The following AGBL1 variants were observed in gnomAD, a reference collection of about 807,000 sequenced individuals.
AGBL1 encodes the protein AGBL carboxypeptidase 1.
A neutral mutation model predicts 118.9 loss-of-function variants in AGBL1; 130 were observed. The observed-to-expected ratio is 1.09, with a 90% CI of 0.95 to 1.26. The LOEUF (loss-of-function observed/expected upper bound fraction) is 1.26, where lower values mean the gene tolerates loss of function less well. Among genes scored for constraint, AGBL1 ranks in the 50% most tolerant of loss-of-function variants. The pLI, the probability that AGBL1 is intolerant of heterozygous loss-of-function variation, is 0.00. For missense variants in AGBL1, 1,584 were observed against 1,298.1 expected, an observed-to-expected ratio of 1.22 and a Z score of -3.38; for synonymous variants, 555 against 478.9, an observed-to-expected ratio of 1.16 and a Z score of -2.08.
At chr15:86,655,188 A>C (rs951853413) in intron 21 of AGBL1, among the ~76,000 whole-genome samples, 1 of 152,138 alleles carries the variant, frequency 6.6e-6, no homozygotes. Flanking sequence ...AATTATTAGC[A>C]AGGAGGGACA....
Position 86,783,227 on chromosome 15 carries a change from T to C in AGBL1, c.3158+108791T>C, listed in dbSNP as rs930961595. 3.3e-5 allele frequency among the ~76,000 whole-genome samples: 5 copies of C among 152,230 alleles called. No individual in the cohort carries two copies. In the East Asian group the frequency reaches 5.8e-4, roughly 18 times the overall value. ...TCTTGTTAATCCATTTAGATGCATG[T>C]TTATTCTTCTACCACGAGTCCTAAG... On this transcript the variant is annotated intron_variant, in intron 22 of 22. Coordinates refer to ENST00000614907, the MANE Select transcript of AGBL1 (RefSeq NM_001386094.1).
intron 23 of AGBL1, among the ~76,000 whole-genome samples, chr15:86,959,398 A>G (rs1030958216): frequency 2.0e-5 from 3 of 152,102 alleles, no homozygotes; most frequent in Admixed American, 1.3e-4. Context: ...CTTCTAAAAA[A>G]TGTCCCTGCC....
chr15:86,987,372 A>G (rs11073685), intron 23 of AGBL1, among the ~76,000 whole-genome samples: 129,091 of 152,212 alleles, frequency 0.85, 55,528 homozygotes, highest in South Asian at 0.98. Flanking sequence ...GTATCTAGTA[A>G]TTCTAAAAAC....
chr15:86,387,431 C>G (rs748781122), intron 17 of AGBL1, among the ~76,000 whole-genome samples: 2 of 152,004 alleles, frequency 1.3e-5, no homozygotes, highest in African/African-American at 4.8e-5. Flanking sequence ...TACCATCAGA[C>G]TTAGGTTTTC....
chr15:86,727,867 C>T (rs2086843833), intron 22 of AGBL1, among the ~76,000 whole-genome samples: 1 of 152,100 alleles, frequency 6.6e-6, no homozygotes, highest in Non-Finnish European at 1.5e-5. Flanking sequence ...ACTGCTTATC[C>T]AGTGAATTTA....
intron 22 of AGBL1, among the ~76,000 whole-genome samples, chr15:86,699,847 A>G (rs1314884510): frequency 6.6e-6 from 1 of 152,046 alleles, no homozygotes; most frequent in Non-Finnish European, 1.5e-5. Flanking sequence ...ATTTTGTGAG[A>G]TGCTACCCTG....
intron 22 of AGBL1, among the ~76,000 whole-genome samples, chr15:86,724,062 C>T (rs1167044865): frequency 7.9e-5 from 12 of 151,900 alleles, no homozygotes; most frequent in African/African-American, 1.4e-4. Flanking sequence ...GGTGAAAACC[C>T]GTCTCTAATA....
chr15:86,590,149 C>T (rs193087010), intron 21 of AGBL1, among the ~76,000 whole-genome samples: 28 of 152,174 alleles, frequency 1.8e-4, no homozygotes, highest in East Asian at 1.5e-3. Context: ...AATGGGAGCT[C>T]GGACAATGGC....
intron 21 of AGBL1, among the ~76,000 whole-genome samples, chr15:86,607,265 T>C (rs555132289): frequency 3.7e-4 from 57 of 152,298 alleles, no homozygotes; most frequent in African/African-American, 1.4e-3. Context: ...ATCAGGTGCA[T>C]CTGGGGATTG....
At chr15:86,298,260 T>C (rs1184514753) in intron 17 of AGBL1, among the ~76,000 whole-genome samples, 1 of 102,806 alleles carries the variant, frequency 9.7e-6, no homozygotes, top group African/African-American at 4.4e-5. Context: ...TATATATATA[T>C]ATATATATAT....
intron 18 of AGBL1, among the ~76,000 whole-genome samples, chr15:86,490,267 C>T (rs1436296599): frequency 6.6e-6 from 1 of 152,080 alleles, no homozygotes; most frequent in Non-Finnish European, 1.5e-5. Context: ...GCAGTGTGTG[C>T]ACGCTGCCTT....
At chr15:86,556,707 G>A (rs1450198078) in intron 21 of AGBL1, among the ~76,000 whole-genome samples, 1 of 152,198 alleles carries the variant, frequency 6.6e-6, no homozygotes, top group Non-Finnish European at 1.5e-5. Flanking sequence ...TGTACATTGG[G>A]AAGCTGAGTC....
chr15:86,743,795 T>C (rs2077715738), intron 22 of AGBL1, among the ~76,000 whole-genome samples: 1 of 152,136 alleles, frequency 6.6e-6, no homozygotes, highest in South Asian at 2.1e-4. Flanking sequence ...AAATGTTGAC[T>C]GCCCTAGTCT....
At chr15:86,119,454 T>TTA (rs1194868799) in intron 1 of AGBL1, among the ~76,000 whole-genome samples, 6 of 152,102 alleles carry the variant, frequency 3.9e-5, no homozygotes, top group Admixed American at 3.9e-4. Context: ...GTTGCTGAGT[T>TTA]CAGCAGGACA....
intron 22 of AGBL1, among the ~76,000 whole-genome samples, chr15:86,766,457 G>A (rs1482403017): frequency 6.6e-6 from 1 of 151,848 alleles, no homozygotes; most frequent in East Asian, 1.9e-4. Flanking sequence ...AATAATTGAT[G>A]TTATCATTAA....
intron 17 of AGBL1, among the ~76,000 whole-genome samples, chr15:86,311,954 A>G (rs983293466): frequency 6.6e-6 from 1 of 152,230 alleles, no homozygotes; most frequent in African/African-American, 2.4e-5. Context: ...TAGCTGATCG[A>G]TGTTCCCATG....
At chr15:86,635,402 C>T (rs1439602132) in intron 21 of AGBL1, among the ~76,000 whole-genome samples, 1 of 149,736 alleles carries the variant, frequency 6.7e-6, no homozygotes, top group Non-Finnish European at 1.5e-5. Context: ...CTCCTCATTG[C>T]TGTGTAATTA....
At chr15:86,196,531 G>T (rs1443499241) in intron 5 of AGBL1, among the ~76,000 whole-genome samples, 1 of 152,120 alleles carries the variant, frequency 6.6e-6, no homozygotes, top group Non-Finnish European at 1.5e-5. Context: ...GCAAGGAGAA[G>T]GGGTGAGCTC....
intron 15 of AGBL1, among the ~76,000 whole-genome samples, chr15:86,277,552 T>C (rs771371484): frequency 1.2e-4 from 19 of 152,194 alleles, no homozygotes; most frequent in Non-Finnish European, 1.9e-4. Context: ...TGGATTTTAT[T>C]TTTTCTCTCT....
Sources: allele counts gnomAD v4.1 joint callset (sites outside exome capture counted in the v4.1 genomes callset), GRCh38; gene constraint gnomAD v4.1.1; transcripts MANE v1.5; gene names NCBI Gene and HGNC (gene_info 2026-07-23, HGNC 2026-07-21).